CTDSPL2: variants seen among roughly 807,000 people sequenced by gnomAD.
The protein encoded by CTDSPL2 is CTD small phosphatase-like protein 2.
Under a neutral mutation model 60.0 loss-of-function variants are expected in CTDSPL2, and 5 were observed. The observed-to-expected ratio is 0.08, with a 90% CI of 0.04 to 0.18. CTDSPL2 has a LOEUF of 0.18. Ranked by LOEUF, CTDSPL2 falls within the 10% of genes least tolerant of loss-of-function variation. The probability of loss-of-function intolerance (pLI) is 1.00; values close to 1 mark genes in which losing one functional copy is unlikely to be tolerated. For missense variants in CTDSPL2, 370 were observed against 548.8 expected (o/e 0.67, Z 3.26); for synonymous variants, 186 against 189.3 (o/e 0.98, Z 0.14).
intron 8 of CTDSPL2, among the ~76,000 whole-genome samples, chr15:44,506,433 T>TG (rs1298958567): frequency 8.4e-5 from 12 of 143,520 alleles, no homozygotes; most frequent in Admixed American, 2.7e-4. Context: ...TTTTTTTTTT[T>TG]GGAGGCATGG....
intron 2 of CTDSPL2, among the ~76,000 whole-genome samples, chr15:44,474,055 T>G (rs766312958): frequency 6.6e-6 from 1 of 152,148 alleles, no homozygotes; most frequent in Non-Finnish European, 1.5e-5. Flanking sequence ...CTCCAACTTC[T>G]GGGCTCAGGC....
intron 8 of CTDSPL2, among the ~76,000 whole-genome samples, chr15:44,506,621 C>T (rs779544069): frequency 2.6e-5 from 4 of 151,256 alleles, no homozygotes; most frequent in Non-Finnish European, 5.9e-5. Flanking sequence ...CTCTGTGTTG[C>T]CCAGGCTGGT....
chr15:44,517,787 C>G (rs563407068), intron 10 of CTDSPL2, among the ~76,000 whole-genome samples: 2 of 152,284 alleles, frequency 1.3e-5, no homozygotes, highest in East Asian at 3.9e-4. Context: ...CTGTATCTGC[C>G]TTTCCAGTTT....
In CTDSPL2 at chr15:44,427,783, TC is replaced by T. The variant is rs1372958983; in HGVS notation, c.-25+12del. 1 of 399,074 alleles carries T rather than the reference TC, an allele frequency of 2.5e-6. No individual in the cohort carries two copies. Among genetic ancestry groups the T allele is most frequent in the African/African-American group, 2.1e-5 (1 of 48,636 alleles). 24.7% of individuals were successfully genotyped at this position (399,074 alleles called of 1,614,324 possible). ...TGTCGTCACAGTTAGGTAATCCCCT[TC>T]GTCCAGACGCCGCCGCTGCTTCCAA... On this transcript the variant is annotated intron_variant, in intron 1 of 12. Transcript: ENST00000260327.
chr15:44,496,521 T>C, intron 6 of CTDSPL2, 63 bp downstream of exon 6: 1 of 1,214,984 alleles, frequency 8.2e-7, no homozygotes, highest in Non-Finnish European at 1.2e-6. Flanking sequence ...ACGTTATATA[T>C]GTGGATTGGT....
intron 1 of CTDSPL2, among the ~76,000 whole-genome samples, chr15:44,451,832 T>G (rs2080340301): frequency 1.3e-5 from 2 of 152,322 alleles, no homozygotes; most frequent in African/African-American, 4.8e-5. Flanking sequence ...TTTTAAATAT[T>G]TTTGCTTTTA....
At chr15:44,466,264 C>T (rs1047290585) in intron 2 of CTDSPL2, among the ~76,000 whole-genome samples, 5 of 152,098 alleles carry the variant, frequency 3.3e-5, no homozygotes, top group African/African-American at 7.2e-5. Context: ...GTGATTCACC[C>T]GCCTTGGCCT....
intron 2 of CTDSPL2, among the ~76,000 whole-genome samples, chr15:44,462,359 A>G (rs1049721858): frequency 1.3e-5 from 2 of 152,174 alleles, no homozygotes; most frequent in South Asian, 2.1e-4. Context: ...TTTTGGCACT[A>G]GCAGCTGATT....
intron 1 of CTDSPL2, among the ~76,000 whole-genome samples, chr15:44,446,333 A>G (rs1206961780): frequency 3.3e-5 from 5 of 152,194 alleles, no homozygotes; most frequent in Admixed American, 6.5e-5. Context: ...AGGCAGAAGT[A>G]AAAAACAAAC....
intron 4 of CTDSPL2, among the ~76,000 whole-genome samples, chr15:44,489,156 T>G: frequency 4.1e-5 from 2 of 48,492 alleles, no homozygotes; most frequent in East Asian, 8.9e-4. Context: ...ACCTACCTCC[T>G]CCCCTCCCCC....
At chr15:44,434,520 A>G (rs1421584142) in intron 1 of CTDSPL2, among the ~76,000 whole-genome samples, 1 of 152,208 alleles carries the variant, frequency 6.6e-6, no homozygotes, top group Non-Finnish European at 1.5e-5. Context: ...CAGCCTCCCA[A>G]GTAGTTGGAA....
intron 1 of CTDSPL2, among the ~76,000 whole-genome samples, chr15:44,455,002 A>C (rs944389062): frequency 6.6e-6 from 1 of 152,148 alleles, no homozygotes. Context: ...CATTGAATCT[A>C]TAAATTACCT....
At chr15:44,457,621 G>A (rs2080475754) in intron 1 of CTDSPL2, among the ~76,000 whole-genome samples, 1 of 151,182 alleles carries the variant, frequency 6.6e-6, no homozygotes, top group African/African-American at 2.4e-5. Context: ...TGCGGGGTGG[G>A]AGAGGGTAGT....
chr15:44,489,484 G>A (rs904329133), intron 4 of CTDSPL2, among the ~76,000 whole-genome samples: 5 of 152,160 alleles, frequency 3.3e-5, no homozygotes, highest in Non-Finnish European at 5.9e-5. Flanking sequence ...ATGGGAGTAT[G>A]AGATATATAA....
Position 44,486,571 on chromosome 15 carries a change from A to G in CTDSPL2, c.346A>G (p.Thr116Ala). The G allele has an allele frequency of 6.3e-7, 1 of 1,575,292 alleles. No homozygotes were observed. Among genetic ancestry groups the G allele is most frequent in the South Asian group, 1.2e-5 (1 of 82,716 alleles). Residue 116 changes from threonine to alanine, a missense_variant, in exon 4 of 13, where the codon ACA (threonine) becomes GCA (alanine). Thr to Ala is a moderately conservative substitution (Grantham distance 58). This residue lies in a region of CTDSPL2 where 287 missense variants were observed against 296.1 expected (regional missense o/e 0.97). Coordinates refer to ENST00000260327, the MANE Select transcript of CTDSPL2 (RefSeq NM_016396.3). The stretch of plus-strand genomic sequence containing the variant: ...TTTAGAAGCTGGTAGTTATGAAATG[A>G]CAAATCAACATGTAAAACAAAATGG... ...VNGEAGSYEM[T>A]NQHVKQNGKL...
chr15:44,521,449 A>C, intron 12 of CTDSPL2, 43 bp downstream of exon 12: 19 of 997,984 alleles, frequency 1.9e-5, no homozygotes, highest in Non-Finnish European at 2.8e-5. Context: ...TTGTTAGCTC[A>C]ACTATATTGA....
chr15:44,431,074 G>A (rs1312532340), intron 1 of CTDSPL2, among the ~76,000 whole-genome samples: 1 of 151,388 alleles, frequency 6.6e-6, no homozygotes, highest in African/African-American at 2.4e-5. Flanking sequence ...CACCCACCTC[G>A]GCCTCCCAAA....
chr15:44,467,540 C>T (rs1222818094), intron 2 of CTDSPL2, among the ~76,000 whole-genome samples: 1 of 151,822 alleles, frequency 6.6e-6, no homozygotes, highest in Non-Finnish European at 1.5e-5. Flanking sequence ...GGCTTTTTGG[C>T]TTCAGATTTC....
At chr15:44,481,201 A>G (rs536670436) in intron 2 of CTDSPL2, among the ~76,000 whole-genome samples, 1 of 152,330 alleles carries the variant, frequency 6.6e-6, no homozygotes, top group South Asian at 2.1e-4. Context: ...TTGGATCATT[A>G]GGCATTTCAA....
Sources: gnomAD v4.1 joint callset for allele counts (sites outside exome capture counted in the v4.1 genomes callset) on GRCh38, gnomAD v4.1.1 for gene constraint, gnomAD v4.1.1 regional missense constraint, MANE v1.5 for transcripts, NCBI Gene and HGNC (gene_info 2026-07-23, HGNC 2026-07-21) for gene names.